CPXM2: variants seen among roughly 807,000 people sequenced by gnomAD.
CPXM2 encodes the protein inactive carboxypeptidase-like protein X2.
Under a neutral mutation model 86.1 loss-of-function variants are expected in CPXM2, and 66 were observed. The ratio of observed to expected loss-of-function variants is 0.77; its 90% CI spans 0.63 to 0.94. CPXM2 has a LOEUF of 0.94. Among genes scored for constraint, CPXM2 ranks in the 40% least tolerant of loss-of-function variants. The pLI is 0.00. For synonymous variants in CPXM2, 388 were observed against 400.2 expected (o/e 0.97, Z 0.36); for missense variants, 948 against 1,026.3 (o/e 0.92, Z 1.04).
At chr10:123,940,174 A>C (rs1945761288) in exon 1 of CPXM2, 1 of 152,218 alleles carries the variant, frequency 6.6e-6, no homozygotes, top group African/African-American at 2.4e-5. Context: ...TCCTGCCATC[A>C]GGGCAGGGAG....
At chr10:123,901,287 G>T (rs138083157) in intron 2 of CPXM2, among the ~76,000 whole-genome samples, 1 of 152,134 alleles carries the variant, frequency 6.6e-6, no homozygotes, top group African/African-American at 2.4e-5. Context: ...CTTTGGCATC[G>T]TTCCTTCACA....
chr10:123,787,077 A>T (rs1360552215), intron 6 of CPXM2, among the ~76,000 whole-genome samples: 1 of 152,120 alleles, frequency 6.6e-6, no homozygotes, highest in African/African-American at 2.4e-5. Flanking sequence ...TCAGGCCACA[A>T]TCCCTCAGAG....
At chr10:123,766,105 A>C (rs72841697) in intron 10 of CPXM2, among the ~76,000 whole-genome samples, 4,849 of 152,262 alleles carry the variant, frequency 0.032, 121 homozygotes, top group Middle Eastern at 0.11. Flanking sequence ...CTTTTCCCCA[A>C]GCCCTTTCTC....
chr10:123,941,702 G>A (rs1001741466), upstream of CPXM2, among the ~76,000 whole-genome samples: 1 of 152,180 alleles, frequency 6.6e-6, no homozygotes, highest in Non-Finnish European at 1.5e-5. Flanking sequence ...TGCAGCGGAC[G>A]GCTGCCCTGT....
intron 10 of CPXM2, among the ~76,000 whole-genome samples, chr10:123,764,132 T>C (rs1460149849): frequency 6.6e-6 from 1 of 152,228 alleles, no homozygotes; most frequent in Non-Finnish European, 1.5e-5. Context: ...GAATTGTTCA[T>C]ATTTTTATTA....
intron 1 of CPXM2, among the ~76,000 whole-genome samples, chr10:123,889,859 T>C (rs1286058643): frequency 6.6e-6 from 1 of 151,824 alleles, no homozygotes; most frequent in Non-Finnish European, 1.5e-5. Flanking sequence ...GAACCCAACA[T>C]ACATGTCTCC....
intron 2 of CPXM2, among the ~76,000 whole-genome samples, chr10:123,937,342 G>A (rs1468206844): frequency 6.6e-6 from 1 of 152,088 alleles, no homozygotes; most frequent in African/African-American, 2.4e-5. Flanking sequence ...GCAGCTCAGG[G>A]GGCTTCCCTC....
intron 4 of CPXM2, among the ~76,000 whole-genome samples, chr10:123,839,744 A>G (rs1409721873): frequency 6.6e-6 from 1 of 152,168 alleles, no homozygotes; most frequent in Non-Finnish European, 1.5e-5. Context: ...CTGAGATAGA[A>G]AAAGGCTCAG....
intron 2 of CPXM2, among the ~76,000 whole-genome samples, chr10:123,935,248 T>G (rs1359310983): frequency 6.6e-6 from 1 of 152,244 alleles, no homozygotes; most frequent in East Asian, 1.9e-4. Flanking sequence ...TGACAAGGCC[T>G]GGCTTAAACC....
chr10:123,779,391 T>C (rs1459992780), intron 7 of CPXM2, among the ~76,000 whole-genome samples: 2 of 152,348 alleles, frequency 1.3e-5, no homozygotes, highest in Admixed American at 6.5e-5. Flanking sequence ...CTCAGAACTA[T>C]TGGGTTTCTA....
upstream of CPXM2, among the ~76,000 whole-genome samples, chr10:123,943,389 T>TCAACAG (rs903164560): frequency 6.6e-6 from 1 of 152,166 alleles, no homozygotes; most frequent in African/African-American, 2.4e-5. Flanking sequence ...GACACAAACA[T>TCAACAG]CAACAGCAAC....
At chr10:123,900,610 G>C (rs1945374192) in intron 2 of CPXM2, among the ~76,000 whole-genome samples, 1 of 152,232 alleles carries the variant, frequency 6.6e-6, no homozygotes, top group African/African-American at 2.4e-5. Context: ...CAGCACTGCT[G>C]GTGAGGATTC....
chr10:123,867,527 C>CTTTTT (rs34482126), intron 2 of CPXM2, among the ~76,000 whole-genome samples: 242 of 92,888 alleles, frequency 2.6e-3, no homozygotes, highest in Middle Eastern at 8.8e-3. Flanking sequence ...AGATTTCTTT[C>CTTTTT]TTTTTTTTTT....
intron 2 of CPXM2, among the ~76,000 whole-genome samples, chr10:123,910,739 CA>C (rs1945481058): frequency 6.6e-6 from 1 of 152,180 alleles, no homozygotes; most frequent in South Asian, 2.1e-4. Context: ...AACAATGCAC[CA>C]CAGAACTGGG....
chr10:123,787,694 G>A (rs1011088883), intron 6 of CPXM2, among the ~76,000 whole-genome samples: 3 of 152,064 alleles, frequency 2.0e-5, no homozygotes, highest in African/African-American at 7.2e-5. Context: ...CTTCTGGTTG[G>A]GACCTTGACT....
At chr10:123,900,073 G>A (rs183722827) in intron 2 of CPXM2, among the ~76,000 whole-genome samples, 181 of 152,220 alleles carry the variant, frequency 1.2e-3, no homozygotes, top group Admixed American at 2.3e-3. Flanking sequence ...ACGGAGTCTC[G>A]CCCTGTCACC....
chr10:123,871,981 T>C (rs1342404720), intron 2 of CPXM2, among the ~76,000 whole-genome samples: 1 of 152,028 alleles, frequency 6.6e-6, no homozygotes, highest in Non-Finnish European at 1.5e-5. Context: ...ATCAGGAAAA[T>C]ACAAATTAAG....
intron 2 of CPXM2, among the ~76,000 whole-genome samples, chr10:123,877,198 G>A (rs1271559956): frequency 1.3e-5 from 2 of 152,098 alleles, no homozygotes; most frequent in Non-Finnish European, 2.9e-5. Context: ...TAAATAACAT[G>A]GCATAAGGTA....
chr10:123,862,495 T>C (rs1848871970), intron 3 of CPXM2, 119 bp downstream of exon 3: 2 of 863,600 alleles, frequency 2.3e-6, no homozygotes, highest in South Asian at 1.5e-5. Context: ...CAATATCCTT[T>C]CTTACTGTGA....
Sources: gnomAD v4.1 joint callset for allele counts (sites outside exome capture counted in the v4.1 genomes callset) on GRCh38, gnomAD v4.1.1 for gene constraint, MANE v1.5 for transcripts, NCBI Gene and HGNC (gene_info 2026-07-23, HGNC 2026-07-21) for gene names.